PPM1B: variants seen among roughly 807,000 people sequenced by gnomAD.
PPM1B encodes protein phosphatase 1B.
Under a neutral mutation model 43.0 loss-of-function variants are expected in PPM1B, and 22 were observed. That is an observed-to-expected ratio of 0.51 (90% CI 0.37 to 0.73). The LOEUF (loss-of-function observed/expected upper bound fraction) is 0.73. PPM1B is among the 30% of genes least tolerant of loss of function. The probability of loss-of-function intolerance (pLI) is 0.00; values close to 1 mark genes in which losing one functional copy is unlikely to be tolerated. For missense variants in PPM1B, 632 were observed against 584.2 expected, an observed-to-expected ratio of 1.08 and a Z score of -0.84; for synonymous variants, 217 against 197.9, an observed-to-expected ratio of 1.10 and a Z score of -0.81.
intron 1 of PPM1B, among the ~76,000 whole-genome samples, chr2:44,177,754 T>C (rs2104006152): frequency 6.6e-6 from 1 of 152,076 alleles, no homozygotes; most frequent in East Asian, 1.9e-4. Context: ...ATAGTACTGT[T>C]TTAAGAGGTG....
downstream of PPM1B, chr2:44,232,981 A>C: frequency 1.0e-6 from 1 of 980,650 alleles, no homozygotes; most frequent in South Asian, 4.7e-5. Flanking sequence ...AACCCTTACA[A>C]ATTTTATGCA....
At chr2:44,190,414 C>G (rs1668355975) in intron 1 of PPM1B, among the ~76,000 whole-genome samples, 1 of 152,164 alleles carries the variant, frequency 6.6e-6, no homozygotes, top group African/African-American at 2.4e-5. Flanking sequence ...CCGTCTCAGC[C>G]TCCCAAAGTG....
chr2:44,191,636 G>T (rs1160478086), intron 1 of PPM1B, among the ~76,000 whole-genome samples: 1 of 152,096 alleles, frequency 6.6e-6, no homozygotes, highest in Admixed American at 6.5e-5. Flanking sequence ...TTTAAATTCT[G>T]TAGAGATTTA....
At chr2:44,233,247 T>G, downstream of PPM1B, 2 of 892,360 alleles carry the variant, frequency 2.2e-6, no homozygotes, top group Non-Finnish European at 2.7e-6. Context: ...GCTCAGAATA[T>G]CACATTGAAA....
chr2:44,209,777 C>CAA (rs533636045), intron 3 of PPM1B, among the ~76,000 whole-genome samples: 12 of 96,254 alleles, frequency 1.2e-4, no homozygotes, highest in African/African-American at 2.7e-4. Flanking sequence ...ACTCCGTCTC[C>CAA]AAAAAAAAAA....
At chr2:44,199,001 G>A (rs1270384013) in intron 1 of PPM1B, among the ~76,000 whole-genome samples, 1 of 152,180 alleles carries the variant, frequency 6.6e-6, no homozygotes, top group Non-Finnish European at 1.5e-5. Flanking sequence ...GCTCATGCCT[G>A]TGATCCTAGC....
chr2:44,234,983 A>G (rs551749332), downstream of PPM1B, among the ~76,000 whole-genome samples: 6 of 152,206 alleles, frequency 3.9e-5, no homozygotes, highest in East Asian at 1.2e-3. Context: ...GTATGGCCCG[A>G]TGGTTGAAGT....
rs767169607 is a variant in PPM1B, at chr2:44,201,980, A to G, written c.781A>G (p.Arg261Gly). The G allele has an allele frequency of 1.9e-6, 3 of 1,613,446 alleles. No homozygotes were observed. The highest frequency in any genetic ancestry group is 1.1e-5 in the South Asian group (1 of 90,922). Reference sequence around the variant, plus strand: ...GGAGCTCTGTGAATATGTTAAATCTAGGCTTGAGGTATCTGATGACCTGGA... The same window carrying G: ...GGAGCTCTGTGAATATGTTAAATCTGGGCTTGAGGTATCTGATGACCTGGA... ...NEELCEYVKS[R>G]LEVSDDLENV... Residue 261 changes from arginine (R) to glycine (G), a missense_variant, in exon 2 of 6, where the codon AGG (arginine) becomes GGG (glycine). This residue lies in a region of PPM1B where 392 missense variants were observed against 302.7 expected (regional missense o/e 1.29). Transcript: ENST00000282412. The surrounding 1 kb of genome is among the most constrained non-coding windows in gnomAD (Gnocchi z 5.4).
At position 44,168,923 on chromosome 2, in the gene PPM1B, G is replaced by T. The variant is rs569985144; in HGVS notation, c.-366G>T. On this transcript the variant is annotated 5_prime_UTR_variant, in exon 1 of 6. Coordinates refer to ENST00000282412, the MANE Select transcript of PPM1B (RefSeq NM_002706.6). ...GCTCAATGGCGGAAAAGCCGCCGGT[G>T]CTCTGACGGCCTCGTTCCCCTAGCA... 5.6e-3 allele frequency: 863 copies of T among 153,472 alleles called. 3 individuals are homozygous for T. Among genetic ancestry groups the T allele is most frequent in the Non-Finnish European group, 8.7e-3 (593 of 68,264 alleles). The allele number at this position is 153,472 out of a possible 1,614,324, so 9.5% of individuals were successfully genotyped here.
chr2:44,226,596 G>T (rs917571711), intron 5 of PPM1B, among the ~76,000 whole-genome samples: 2 of 152,086 alleles, frequency 1.3e-5, no homozygotes, highest in Non-Finnish European at 2.9e-5. Context: ...TGGAACTTTG[G>T]CATGTGTGCA....
intron 1 of PPM1B, among the ~76,000 whole-genome samples, chr2:44,185,480 A>G (rs1668076260): frequency 6.6e-6 from 1 of 152,232 alleles, no homozygotes; most frequent in Non-Finnish European, 1.5e-5. Context: ...CACTGTCAAC[A>G]AAGCTATTTC....
At chr2:44,224,949 A>G (rs544191993) in intron 5 of PPM1B, among the ~76,000 whole-genome samples, 6 of 152,276 alleles carry the variant, frequency 3.9e-5, no homozygotes, top group African/African-American at 9.6e-5. Context: ...GGTACTTCCT[A>G]TGCAAAAAAG....
At chr2:44,179,901 C>T (rs188185655) in intron 1 of PPM1B, among the ~76,000 whole-genome samples, 4,340 of 150,806 alleles carry the variant, frequency 0.029, 208 homozygotes, top group African/African-American at 0.099. Context: ...CCCAGCTACT[C>T]AGGAGGCTGA....
At chr2:44,182,242 CT>C (rs1311776299) in intron 1 of PPM1B, among the ~76,000 whole-genome samples, 1 of 151,786 alleles carries the variant, frequency 6.6e-6, no homozygotes, top group African/African-American at 2.4e-5. Context: ...CTAGTAATTT[CT>C]TTTTTTTCTT....
In PPM1B at chr2:44,209,216, C is replaced by T. The variant is rs1314898523; in HGVS notation, c.853C>T (p.Arg285Ter). ...VVDTCLHKGS[R>*]DNMSIVLVCF... ...TTTTTTCTTTAATACACAGGGAAGTCGAGATAACATGAGTATTGTACTAGT... is the reference window on the plus strand; with the variant it reads ...TTTTTTCTTTAATACACAGGGAAGTTGAGATAACATGAGTATTGTACTAGT... Residue 285 changes from arginine to a stop codon, truncating the protein, a stop_gained, in exon 3 of 6, where the codon CGA becomes TGA. Transcript: ENST00000282412. LOFTEE classifies it high-confidence loss of function. 2 of 1,587,258 alleles carry T rather than the reference C, an allele frequency of 1.3e-6. No individual in the cohort carries two copies. Among genetic ancestry groups the T allele is most frequent in the Non-Finnish European group, 8.6e-7 (1 of 1,167,906 alleles).
At chr2:44,239,179 CAAAAAAA>C (rs1193340508), downstream of PPM1B, among the ~76,000 whole-genome samples, 100 of 89,632 alleles carry the variant, frequency 1.1e-3, no homozygotes, top group Admixed American at 5.8e-3. Context: ...GTCTCTAATA[CAAAAAAA>C]AAAAAAAAAA....
At position 44,231,026 on chromosome 2, in the gene PPM1B, T is replaced by TAG; in HGVS notation, c.*314_*315dup. The TAG allele has an allele frequency of 2.1e-6, 2 of 959,332 alleles. No homozygotes were observed. Among genetic ancestry groups the TAG allele is most frequent in the Non-Finnish European group, 2.5e-6 (2 of 791,156 alleles). The allele number at this position is 959,332 out of a possible 1,614,324, so 59.4% of individuals were successfully genotyped here. A position where few individuals can be genotyped will look rare whatever the true frequency, so the allele number is the denominator to read the frequency against. On this transcript the variant is annotated 3_prime_UTR_variant, in exon 6 of 6. Coordinates refer to ENST00000282412, the MANE Select transcript of PPM1B (RefSeq NM_002706.6). Reference sequence around the variant, plus strand: ...ACTAGATAGAATTAGAAATTTTGATTAGAGAGATTATGCTATATTATGGAA... The same window carrying TAG: ...ACTAGATAGAATTAGAAATTTTGATTAGAGAGAGATTATGCTATATTATGGAA...
Position 44,201,675 on chromosome 2 carries a change from A to G in PPM1B, c.476A>G (p.Asn159Ser). ...CGDSRAVLYR[N>S]GQVCFSTQDH... is the part of the protein sequence containing the mutation. ...GATTCACGTGCTGTTCTGTATAGGA[A>G]TGGACAAGTCTGCTTTTCTACCCAG... The change falls in exon 2 of 6, where the codon AAT (asparagine) becomes AGT (serine). Residue 159 changes from asparagine to serine, a missense_variant. Physicochemically the swap from Asn to Ser is conservative, Grantham distance 46. This residue lies in a region of PPM1B where 200 missense variants were observed against 200.7 expected (regional missense o/e 1.00). Transcript: ENST00000282412. The surrounding 1 kb of genome is among the most constrained non-coding windows in gnomAD (Gnocchi z 5.4). The G allele has an allele frequency of 5.6e-6, 9 of 1,614,206 alleles. No individual in the cohort carries two copies. Among genetic ancestry groups the G allele is most frequent in the Non-Finnish European group, 6.8e-6 (8 of 1,180,030 alleles).
chr2:44,176,558 C>CGT (rs966967570), intron 1 of PPM1B, among the ~76,000 whole-genome samples: 2 of 152,120 alleles, frequency 1.3e-5, no homozygotes, highest in African/African-American at 4.8e-5. Flanking sequence ...GTGAGATGGG[C>CGT]GTATTGCACT....
Sources: gnomAD v4.1 joint callset for allele counts (sites outside exome capture counted in the v4.1 genomes callset) on GRCh38, gnomAD v4.1.1 for gene constraint, gnomAD v4.1.1 regional missense constraint, Gnocchi (gnomAD v3.1) non-coding constraint, MANE v1.5 for transcripts, NCBI Gene and HGNC (gene_info 2026-07-23, HGNC 2026-07-21) for gene names.